Variants in SPATA13 observed in about 807,000 individuals in gnomAD.
The protein encoded by SPATA13 is spermatogenesis-associated protein 13.
A neutral mutation model predicts 104.0 loss-of-function variants in SPATA13; 50 were observed. That is an observed-to-expected ratio of 0.48 (90% confidence interval 0.38 to 0.61). The LOEUF is 0.61. Among genes scored for constraint, SPATA13 ranks in the 20% least tolerant of loss-of-function variants. The probability of loss-of-function intolerance (pLI) is 0.00; values close to 1 mark genes in which losing one functional copy is unlikely to be tolerated. For missense variants in SPATA13, 1,524 were observed against 1,690.6 expected (o/e 0.90, Z 1.73); for synonymous variants, 606 against 667.5 (o/e 0.91, Z 1.42).
chr13:24,163,273 T>C (rs750114929), intron 1 of SPATA13, among the ~76,000 whole-genome samples: 7 of 152,130 alleles, frequency 4.6e-5, no homozygotes, highest in Non-Finnish European at 7.4e-5. Flanking sequence ...GATGGCGCAC[T>C]CACCTGTAGT....
chr13:24,191,994 A>G (rs1462566811), intron 1 of SPATA13, among the ~76,000 whole-genome samples: 1 of 152,184 alleles, frequency 6.6e-6, no homozygotes, highest in Non-Finnish European at 1.5e-5. Context: ...GGGAACAAAA[A>G]AGAAAAATAC....
chr13:24,028,486 G>A (rs1877334484), intron 3 of SPATA13, among the ~76,000 whole-genome samples: 1 of 152,110 alleles, frequency 6.6e-6, no homozygotes, highest in African/African-American at 2.4e-5. Context: ...GATGTCAGCT[G>A]GTGTCTAATT....
At chr13:24,126,466 A>G (rs1881219637) in intron 3 of SPATA13, among the ~76,000 whole-genome samples, 1 of 152,074 alleles carries the variant, frequency 6.6e-6, no homozygotes, top group African/African-American at 2.4e-5. Context: ...ACCCACGACA[A>G]TTGTGTCTAT....
intron 3 of SPATA13, among the ~76,000 whole-genome samples, chr13:24,079,219 A>G (rs1427744923): frequency 6.6e-6 from 1 of 152,088 alleles, no homozygotes; most frequent in African/African-American, 2.4e-5. Flanking sequence ...TGCAGGAGAG[A>G]CTTTGGGTGT....
At chr13:24,125,087 C>G (rs1881165576) in intron 3 of SPATA13, among the ~76,000 whole-genome samples, 1 of 152,236 alleles carries the variant, frequency 6.6e-6, no homozygotes, top group African/African-American at 2.4e-5. Context: ...TCCTCTCTGC[C>G]ATTTGTTTCC....
intron 3 of SPATA13, among the ~76,000 whole-genome samples, chr13:24,063,643 C>G (rs1448485627): frequency 6.6e-6 from 1 of 152,172 alleles, no homozygotes; most frequent in Non-Finnish European, 1.5e-5. Context: ...TGAGCCCACT[C>G]AAGTGGGGGC....
chr13:24,188,120 T>A (rs887372099), intron 1 of SPATA13, among the ~76,000 whole-genome samples: 1 of 151,572 alleles, frequency 6.6e-6, no homozygotes, highest in Non-Finnish European at 1.5e-5. Context: ...GCGGGCAGAT[T>A]GCCTGAGCTC....
intron 3 of SPATA13, chr13:24,123,056 T>A (rs968186076): frequency 1.1e-4 from 103 of 956,060 alleles, no homozygotes; most frequent in Admixed American, 4.2e-4. Flanking sequence ...CCAAATGTTG[T>A]GTCATTTCTA....
At chr13:24,019,154 T>G (rs1876853523) in intron 3 of SPATA13, among the ~76,000 whole-genome samples, 1 of 148,532 alleles carries the variant, frequency 6.7e-6, no homozygotes, top group African/African-American at 2.5e-5. Context: ...AGTGGCGGGA[T>G]CTCGGCTCAC....
In SPATA13 at chr13:24,042,143, G is replaced by A. The variant is rs1222845525; in HGVS notation, c.-112+24442G>A. 8.5e-5 allele frequency among the ~76,000 whole-genome samples: 11 copies of A among 129,556 alleles called. No homozygotes were observed. The East Asian group carries it at 2.3e-3, about 27-fold the overall frequency. The allele number at this position is 129,556 out of a possible 152,430, so 85.0% of individuals were successfully genotyped here. On this transcript the variant is annotated intron_variant, in intron 3 of 14. Coordinates refer to the SPATA13 transcript ENST00000424834. Reference sequence around the variant, plus strand: ...AAAGCGCGGTGTCCTCTGTGTCACGGGAGCGTTGGCTATGACCACCTAGTG... The same window carrying A: ...AAAGCGCGGTGTCCTCTGTGTCACGAGAGCGTTGGCTATGACCACCTAGTG...
At chr13:24,072,825 C>CTTTTTTT (rs11353469) in intron 3 of SPATA13, among the ~76,000 whole-genome samples, 15,269 of 119,768 alleles carry the variant, frequency 0.13, 1,303 homozygotes, top group South Asian at 0.24. Context: ...CTGTTGGCTC[C>CTTTTTTT]TTTTTTTTTT....
rs118132163 is a variant in SPATA13, at chr13:24,185,341, C to T, written c.-112+24409C>T. Among the ~76,000 whole-genome samples, 11 of 152,226 alleles carry T rather than the reference C, an allele frequency of 7.2e-5. No individual in the cohort carries two copies. The East Asian group carries it at 1.9e-3, about 27-fold the overall frequency. ...ATTTTATTTCTTAGTGAAGTACTGCCATGAGGATGATTTTTAGGGCCCTAT... is the reference window on the plus strand; with the variant it reads ...ATTTTATTTCTTAGTGAAGTACTGCTATGAGGATGATTTTTAGGGCCCTAT... On this transcript the variant is annotated intron_variant, in intron 1 of 12. Transcript: ENST00000382108.
upstream of SPATA13, among the ~76,000 whole-genome samples, chr13:24,159,347 A>C (rs1008884239): frequency 2.0e-5 from 3 of 152,364 alleles, no homozygotes; most frequent in East Asian, 5.8e-4. Context: ...AACAATTCAA[A>C]GAATTAAATA....
chr13:24,119,821 G>A (rs1226414374), intron 3 of SPATA13, among the ~76,000 whole-genome samples: 4 of 152,314 alleles, frequency 2.6e-5, no homozygotes, highest in Non-Finnish European at 1.5e-5. Flanking sequence ...AGCCCCCACC[G>A]TGCATGGCAG....
chr13:24,278,586 C>G (rs1403141424), intron 4 of SPATA13: 1 of 1,393,058 alleles, frequency 7.2e-7, no homozygotes, highest in East Asian at 2.9e-5. Flanking sequence ...CCACATCTTG[C>G]AATTCTATAC....
chr13:24,070,343 T>C (rs6490866), intron 3 of SPATA13, among the ~76,000 whole-genome samples: 139,559 of 152,134 alleles, frequency 0.92, 64,302 homozygotes, highest in South Asian at 0.98. Context: ...TTGCCTCCTC[T>C]GCCGCCCCCC....
At chr13:23,988,598 T>C (rs1241807882) in intron 2 of SPATA13, among the ~76,000 whole-genome samples, 6 of 152,244 alleles carry the variant, frequency 3.9e-5, no homozygotes, top group Non-Finnish European at 7.3e-5. Flanking sequence ...CTGTGGAGAT[T>C]GTACCAATTC....
chr13:24,265,404 T>C (rs950105179), intron 4 of SPATA13, among the ~76,000 whole-genome samples: 1 of 152,192 alleles, frequency 6.6e-6, no homozygotes, highest in African/African-American at 2.4e-5. Context: ...CCATTTAGAA[T>C]GAAGAGGTCA....
intron 3 of SPATA13, among the ~76,000 whole-genome samples, chr13:24,021,479 C>G (rs1001162859): frequency 6.6e-6 from 1 of 152,136 alleles, no homozygotes; most frequent in African/African-American, 2.4e-5. Context: ...GGTGACAGAA[C>G]GAGACCTTGT....
Sources: gnomAD v4.1 joint callset for allele counts (sites outside exome capture counted in the v4.1 genomes callset) on GRCh38, gnomAD v4.1.1 for gene constraint, MANE v1.5 for transcripts, NCBI Gene and HGNC (gene_info 2026-07-23, HGNC 2026-07-21) for gene names.